ZNF536: variants seen among roughly 807,000 people sequenced by gnomAD.
ZNF536 encodes zinc finger protein 536.
In ZNF536, 13 loss-of-function variants were observed where a neutral mutation model predicts 84.5. That is an observed-to-expected ratio of 0.15 (90% CI 0.10 to 0.24). The LOEUF is 0.24. Ranked by LOEUF, ZNF536 falls within the 10% of genes least tolerant of loss-of-function variation. The pLI is 1.00. For synonymous variants in ZNF536, 811 were observed against 742.5 expected (o/e 1.09, Z -1.50); for missense variants, 1,536 against 1,747.5 (o/e 0.88, Z 2.16).
intron 1 of ZNF536, among the ~76,000 whole-genome samples, chr19:30,599,175 C>T (rs2047584198): frequency 8.2e-6 from 1 of 122,110 alleles, no homozygotes. Context: ...TCTTTCCCTC[C>T]TCTCTGTCTC....
At chr19:30,579,194 G>C (rs2046839332) in intron 1 of ZNF536, among the ~76,000 whole-genome samples, 1 of 152,204 alleles carries the variant, frequency 6.6e-6, no homozygotes. Context: ...GGTAAAACAA[G>C]AAGAAGAAAA....
At chr19:30,563,266 TC>T (rs2046235474) in intron 1 of ZNF536, among the ~76,000 whole-genome samples, 1 of 152,166 alleles carries the variant, frequency 6.6e-6, no homozygotes, top group Non-Finnish European at 1.5e-5. Context: ...CATCTGGGAT[TC>T]TTCCCATCCC....
At chr19:30,241,611 A>G (rs2023949248) in intron 1 of ZNF536, among the ~76,000 whole-genome samples, 1 of 152,164 alleles carries the variant, frequency 6.6e-6, no homozygotes, top group South Asian at 2.1e-4. Flanking sequence ...GCTGGAGTAA[A>G]AAAGGGATGG....
intron 1 of ZNF536, among the ~76,000 whole-genome samples, chr19:30,629,656 G>A (rs550384014): frequency 7.9e-5 from 12 of 152,324 alleles, no homozygotes; most frequent in South Asian, 2.1e-4. Flanking sequence ...CCTGCTGGCC[G>A]CAGTGAAAGG....
rs144363232 is a variant in ZNF536 at position 30,395,779 on chromosome 19, A to C, written c.-3+23223A>C. ...GCAAGTTAAGCTTTGTTTTGAATAT[A>C]AGACTTATGATAACTAGGTCAGTTA... On this transcript the variant is annotated intron_variant, in intron 1 of 4. Coordinates refer to ENST00000355537, the MANE Select transcript of ZNF536 (RefSeq NM_014717.3). Among the ~76,000 whole-genome samples, 384 of 152,324 alleles carry C rather than the reference A, an allele frequency of 2.5e-3. 3 individuals carry two copies. Among genetic ancestry groups the C allele is most frequent in the Non-Finnish European group, 4.1e-3 (281 of 68,032 alleles).
chr19:30,707,573 A>T (rs976581011), intron 1 of ZNF536, among the ~76,000 whole-genome samples: 2 of 152,190 alleles, frequency 1.3e-5, no homozygotes, highest in Non-Finnish European at 2.9e-5. Flanking sequence ...CAGCAAGTGC[A>T]CTGTTCTTGT....
chr19:30,666,521 T>A (rs2050326410), intron 1 of ZNF536, among the ~76,000 whole-genome samples: 2 of 151,908 alleles, frequency 1.3e-5, no homozygotes. Flanking sequence ...TGCACAGAAG[T>A]GGAACCCACA....
At chr19:30,462,771 T>C (rs954995347) in intron 2 of ZNF536, among the ~76,000 whole-genome samples, 1 of 151,188 alleles carries the variant, frequency 6.6e-6, no homozygotes, top group Non-Finnish European at 1.5e-5. Flanking sequence ...GTTGTGTGGA[T>C]AAGGATGTGT....
chr19:30,399,263 T>A (rs1416267583), intron 1 of ZNF536, among the ~76,000 whole-genome samples: 2 of 152,176 alleles, frequency 1.3e-5, no homozygotes, highest in Non-Finnish European at 2.9e-5. Flanking sequence ...TTCATGGGGT[T>A]GTTTTTTTTT....
chr19:30,546,036 C>A (rs1418764582), intron 3 of ZNF536, among the ~76,000 whole-genome samples: 1 of 152,194 alleles, frequency 6.6e-6, no homozygotes, highest in Admixed American at 6.5e-5. Context: ...GGTAGGCTTG[C>A]CTGCTGTGGG....
In ZNF536 at chr19:30,441,323, C is replaced by A. The variant is rs184397971; in HGVS notation, c.-2-2238C>A. ...CCTGTGTGGCTTCAGGGTCATGATC[C>A]CTGTTGGCTCAGAAGAGGAGCCAGT... On this transcript the variant is annotated intron_variant, in intron 1 of 4. Coordinates refer to ENST00000355537, the MANE Select transcript of ZNF536 (RefSeq NM_014717.3). Among the ~76,000 whole-genome samples the A allele has an allele frequency of 5.3e-5, 8 of 152,338 alleles. No homozygotes were observed. The East Asian group carries it at 1.5e-3, about 29-fold the overall frequency.
At chr19:30,307,761 T>C (rs1164063728) in intron 2 of ZNF536, among the ~76,000 whole-genome samples, 1 of 152,250 alleles carries the variant, frequency 6.6e-6, no homozygotes, top group Non-Finnish European at 1.5e-5. Flanking sequence ...GATTTAGTTA[T>C]TGGCTCGTGT....
At chr19:30,565,652 C>T (rs963485258) in intron 1 of ZNF536, among the ~76,000 whole-genome samples, 8 of 152,128 alleles carry the variant, frequency 5.3e-5, no homozygotes, top group Non-Finnish European at 8.8e-5. Flanking sequence ...GAATAGTGAA[C>T]GCTGTACACA....
chr19:30,474,621 A>T (rs573430425), intron 2 of ZNF536, among the ~76,000 whole-genome samples: 4 of 152,162 alleles, frequency 2.6e-5, no homozygotes, highest in Admixed American at 2.0e-4. Context: ...CTGAAGTGGT[A>T]CATTAAAGCA....
At chr19:30,602,374 G>A (rs1305563320) in intron 1 of ZNF536, among the ~76,000 whole-genome samples, 8 of 152,218 alleles carry the variant, frequency 5.3e-5, no homozygotes, top group Non-Finnish European at 1.2e-4. Context: ...GGCAGATGAA[G>A]TTGCTACTTT....
intron 2 of ZNF536, among the ~76,000 whole-genome samples, chr19:30,337,608 A>G (rs1338133161): frequency 6.6e-6 from 1 of 152,134 alleles, no homozygotes; most frequent in African/African-American, 2.4e-5. Flanking sequence ...CTCACAGCCC[A>G]TGGTGGGTCC....
chr19:30,289,781 A>G (rs978437722), intron 2 of ZNF536, among the ~76,000 whole-genome samples: 4 of 152,174 alleles, frequency 2.6e-5, no homozygotes, highest in African/African-American at 9.7e-5. Flanking sequence ...TTATGCCTCT[A>G]TGCCAAGGCT....
intron 1 of ZNF536, among the ~76,000 whole-genome samples, chr19:30,393,883 TG>T (rs2049702315): frequency 6.6e-6 from 1 of 152,084 alleles, no homozygotes; most frequent in African/African-American, 2.4e-5. Flanking sequence ...TAAGGGGCAA[TG>T]TGGGCAGAAT....
At chr19:30,591,343 C>T (rs1307525142) in intron 1 of ZNF536, among the ~76,000 whole-genome samples, 1 of 152,092 alleles carries the variant, frequency 6.6e-6, no homozygotes, top group East Asian at 1.9e-4. Flanking sequence ...TTTATAAAGG[C>T]AAGAGGTTTA....
Sources: gnomAD v4.1 joint callset for allele counts (sites outside exome capture counted in the v4.1 genomes callset) on GRCh38, gnomAD v4.1.1 for gene constraint, MANE v1.5 for transcripts, NCBI Gene and HGNC (gene_info 2026-07-23, HGNC 2026-07-21) for gene names.